Variants in CTNND2 observed in about 807,000 individuals in gnomAD.
CTNND2 encodes catenin delta 2, also known as catenin delta-2.
In CTNND2, 22 loss-of-function variants were observed where a neutral mutation model predicts 144.4. The ratio of observed to expected loss-of-function variants is 0.15; its 90% CI spans 0.11 to 0.22. CTNND2 has a LOEUF of 0.22. CTNND2 is among the 10% of genes least tolerant of loss of function. The pLI, the probability that CTNND2 is intolerant of heterozygous loss-of-function variation, is 1.00. For missense variants in CTNND2, 1,353 were observed against 1,618.8 expected, an observed-to-expected ratio of 0.84 and a Z score of 2.82; for synonymous variants, 751 against 695.6, an observed-to-expected ratio of 1.08 and a Z score of -1.25.
At chr5:11,772,041 T>C (rs1324374953) in intron 1 of CTNND2, among the ~76,000 whole-genome samples, 1 of 152,184 alleles carries the variant, frequency 6.6e-6, no homozygotes, top group Non-Finnish European at 1.5e-5. Flanking sequence ...TTCCCCCATA[T>C]CTTGGCCATG....
chr5:11,669,312 G>A (rs965174491), intron 2 of CTNND2, among the ~76,000 whole-genome samples: 1 of 152,054 alleles, frequency 6.6e-6, no homozygotes, highest in African/African-American at 2.4e-5. Context: ...TTTTTCTATT[G>A]TTTGGAATAG....
intron 1 of CTNND2, among the ~76,000 whole-genome samples, chr5:11,737,038 G>T (rs1787721492): frequency 6.6e-6 from 1 of 152,038 alleles, no homozygotes; most frequent in African/African-American, 2.4e-5. Context: ...TCTTTTATAT[G>T]TGATTTTTAC....
chr5:11,270,719 T>C (rs944856923), intron 9 of CTNND2, among the ~76,000 whole-genome samples: 1 of 152,214 alleles, frequency 6.6e-6, no homozygotes, highest in African/African-American at 2.4e-5. Context: ...TGTCTCTTAA[T>C]ACTTCCTTTG....
chr5:11,304,291 T>C (rs1749932495), intron 9 of CTNND2, among the ~76,000 whole-genome samples: 1 of 151,810 alleles, frequency 6.6e-6, no homozygotes, highest in Non-Finnish European at 1.5e-5. Context: ...GCCTTTTGTA[T>C]ACATAAATGC....
At chr5:11,391,046 T>C (rs1210281019) in intron 6 of CTNND2, among the ~76,000 whole-genome samples, 3 of 152,060 alleles carry the variant, frequency 2.0e-5, no homozygotes, top group South Asian at 2.1e-4. Context: ...GAGGAAGACA[T>C]TGGAGCTCAT....
At chr5:11,182,435 G>A (rs532354621) in intron 11 of CTNND2, among the ~76,000 whole-genome samples, 59 of 152,124 alleles carry the variant, frequency 3.9e-4, no homozygotes, top group Non-Finnish European at 7.9e-4. Flanking sequence ...TTAGTTTTTG[G>A]AGGAGAGGGA....
chr5:11,238,114 A>G (rs1252905644), intron 9 of CTNND2, among the ~76,000 whole-genome samples: 1 of 152,232 alleles, frequency 6.6e-6, no homozygotes, highest in Non-Finnish European at 1.5e-5. Context: ...TTGTACTGTC[A>G]TACAAAGAAA....
At chr5:11,485,092 T>G (rs1052019760) in intron 3 of CTNND2, among the ~76,000 whole-genome samples, 1 of 152,202 alleles carries the variant, frequency 6.6e-6, no homozygotes, top group African/African-American at 2.4e-5. Context: ...TCAATAGCTT[T>G]TCTGTAAACT....
At chr5:11,563,907 C>G (rs1212875487) in intron 3 of CTNND2, among the ~76,000 whole-genome samples, 1 of 152,180 alleles carries the variant, frequency 6.6e-6, no homozygotes, top group Non-Finnish European at 1.5e-5. Context: ...AAGAGTCAAC[C>G]AAACTCATGT....
chr5:11,473,772 T>C (rs772258270), intron 3 of CTNND2, among the ~76,000 whole-genome samples: 15 of 152,214 alleles, frequency 9.9e-5, no homozygotes, highest in Non-Finnish European at 2.1e-4. Context: ...CCACTGGAGA[T>C]ACTAGGATAG....
At chr5:11,142,406 G>A (rs546926443) in intron 12 of CTNND2, among the ~76,000 whole-genome samples, 1 of 152,160 alleles carries the variant, frequency 6.6e-6, no homozygotes, top group Non-Finnish European at 1.5e-5. Flanking sequence ...TCAAGCAAGA[G>A]AGTGTGAAGT....
intron 1 of CTNND2, among the ~76,000 whole-genome samples, chr5:11,823,962 G>A (rs1488487111): frequency 3.3e-5 from 5 of 151,816 alleles, no homozygotes; most frequent in African/African-American, 9.7e-5. Context: ...ACAAAAATTA[G>A]CTGGGCATGG....
intron 9 of CTNND2, among the ~76,000 whole-genome samples, chr5:11,311,872 CCACT>C (rs1462609789): frequency 7.1e-6 from 1 of 140,018 alleles, no homozygotes; most frequent in East Asian, 2.4e-4. Context: ...CTCCCCCTTC[CCACT>C]CACACACTCC....
intron 16 of CTNND2, among the ~76,000 whole-genome samples, chr5:11,079,570 C>T (rs576358688): frequency 6.6e-6 from 1 of 152,296 alleles, no homozygotes; most frequent in South Asian, 2.1e-4. Context: ...TGGCTCCCAA[C>T]ACTCGCCCTG....
At chr5:11,075,648 G>A (rs1748866222) in intron 16 of CTNND2, among the ~76,000 whole-genome samples, 1 of 152,252 alleles carries the variant, frequency 6.6e-6, no homozygotes, top group Non-Finnish European at 1.5e-5. Context: ...ACCACCCGGG[G>A]CAGCCAGTGG....
chr5:11,484,919 A>C (rs1331884978), intron 3 of CTNND2, among the ~76,000 whole-genome samples: 1 of 152,214 alleles, frequency 6.6e-6, no homozygotes, highest in African/African-American at 2.4e-5. Context: ...AAACTTTCTA[A>C]AAGAGGTGAA....
At chr5:10,990,950 A>C (rs145511917) in intron 19 of CTNND2, among the ~76,000 whole-genome samples, 1 of 152,288 alleles carries the variant, frequency 6.6e-6, no homozygotes, top group African/African-American at 2.4e-5. Context: ...CTTAATAATC[A>C]CTGCTTTCCA....
intron 9 of CTNND2, among the ~76,000 whole-genome samples, chr5:11,281,084 C>G (rs982792180): frequency 6.6e-6 from 1 of 152,198 alleles, no homozygotes; most frequent in Admixed American, 6.5e-5. Context: ...AAATTAACGA[C>G]CATGTAGCTA....
intron 11 of CTNND2, 34 bp downstream of exon 11, chr5:11,199,414 A>G (rs778602416): frequency 7.1e-5 from 111 of 1,566,708 alleles, no homozygotes; most frequent in Non-Finnish European, 9.7e-5. Context: ...GTTTATCTTG[A>G]GATATAATAT....
Sources: allele counts gnomAD v4.1 joint callset (sites outside exome capture counted in the v4.1 genomes callset), GRCh38; gene constraint gnomAD v4.1.1; transcripts MANE v1.5; gene names NCBI Gene and HGNC (gene_info 2026-07-23, HGNC 2026-07-21).